The following ESYT2 variants were observed in gnomAD, a reference collection of about 807,000 sequenced individuals.
The protein encoded by ESYT2 is extended synaptotagmin-2.
ESYT2 carries 54 observed loss-of-function variants against 107.2 expected under a neutral mutation model. That is an observed-to-expected ratio of 0.50 (90% CI 0.40 to 0.63). The LOEUF (loss-of-function observed/expected upper bound fraction) is 0.63. Among genes scored for constraint, ESYT2 ranks in the 30% least tolerant of loss-of-function variants. ESYT2 has a pLI of 0.00. For missense variants in ESYT2, 1,020 were observed against 1,094.5 expected (o/e 0.93, Z 0.96); for synonymous variants, 491 against 434.1 (o/e 1.13, Z -1.63).
chr7:158,764,935 G>A (rs1024108464), intron 8 of ESYT2, 82 bp from the exon 9 acceptor site: 14 of 1,387,778 alleles, frequency 1.0e-5, no homozygotes, highest in Admixed American at 4.1e-5. Context: ...ACCTAACCCC[G>A]TCTCGAGAAT....
intron 1 of ESYT2, among the ~76,000 whole-genome samples, chr7:158,804,178 C>T (rs111759887): frequency 6.6e-5 from 3 of 45,156 alleles, no homozygotes; most frequent in African/African-American, 2.5e-4. Flanking sequence ...GTGAGGCGCG[C>T]GACAAACCCA....
chr7:158,779,676 C>CT (rs1246038085), intron 6 of ESYT2, among the ~76,000 whole-genome samples: 1 of 152,186 alleles, frequency 6.6e-6, no homozygotes, highest in Non-Finnish European at 1.5e-5. Flanking sequence ...GCTGCGGCCC[C>CT]TTCTGCTCTA....
At chr7:158,804,454 T>C (rs13242196) in intron 1 of ESYT2, among the ~76,000 whole-genome samples, 7,565 of 68,720 alleles carry the variant, frequency 0.11, 612 homozygotes, top group East Asian at 0.27. Context: ...AAAGGTGAGG[T>C]GTGTGACAAA....
At chr7:158,765,499 C>T (rs981408190) in intron 8 of ESYT2, among the ~76,000 whole-genome samples, 3 of 152,024 alleles carry the variant, frequency 2.0e-5, no homozygotes, top group African/African-American at 4.8e-5. Context: ...TTTGGAAGAC[C>T]GAGGTGGGTA....
intron 6 of ESYT2, 140 bp from the exon 7 acceptor site, chr7:158,773,536 C>A: frequency 1.4e-6 from 1 of 692,964 alleles, no homozygotes; most frequent in Non-Finnish European, 2.3e-6. Flanking sequence ...CGTAATATAC[C>A]AAGGACATTT....
At chr7:158,829,035 G>C (rs949850672) in intron 1 of ESYT2, 54 bp downstream of exon 1, 59 of 1,556,662 alleles carry the variant, frequency 3.8e-5, no homozygotes, top group Middle Eastern at 1.9e-4. Flanking sequence ...GCCTGGACGA[G>C]GGGAGATCGG....
At chr7:158,808,589 AG>A (rs1336564798) in intron 1 of ESYT2, among the ~76,000 whole-genome samples, 8 of 152,240 alleles carry the variant, frequency 5.3e-5, no homozygotes, top group Non-Finnish European at 8.8e-5. Flanking sequence ...GTGAAACTGA[AG>A]AAGGAAAATA....
chr7:158,794,142 A>G (rs533189078), intron 3 of ESYT2, among the ~76,000 whole-genome samples: 2 of 152,334 alleles, frequency 1.3e-5, no homozygotes, highest in Admixed American at 1.3e-4. Context: ...CCTTACTACC[A>G]TGTTTGAAAC....
intron 6 of ESYT2, among the ~76,000 whole-genome samples, chr7:158,774,465 GT>G (rs1838479309): frequency 1.0e-5 from 1 of 96,832 alleles, no homozygotes; most frequent in Non-Finnish European, 2.1e-5. Flanking sequence ...TAAAATAAAT[GT>G]TTTTCCCTAG....
intron 13 of ESYT2, among the ~76,000 whole-genome samples, chr7:158,756,775 G>T (rs1837770114): frequency 6.6e-6 from 1 of 152,022 alleles, no homozygotes; most frequent in African/African-American, 2.4e-5. Context: ...CAGGCGTCGT[G>T]GTGGGTGCCT....
intron 11 of ESYT2, among the ~76,000 whole-genome samples, 157 bp from the exon 12 acceptor site, chr7:158,760,304 C>G (rs530375023): frequency 1.3e-5 from 2 of 152,232 alleles, no homozygotes; most frequent in Non-Finnish European, 2.9e-5. Context: ...TCCAGCTCTA[C>G]GCTATGTGGA....
At chr7:158,781,466 T>C (rs951614564) in intron 6 of ESYT2, among the ~76,000 whole-genome samples, 1 of 148,472 alleles carries the variant, frequency 6.7e-6, no homozygotes, top group African/African-American at 2.5e-5. Context: ...GAGAACAAAG[T>C]GTGAGAGGTG....
At chr7:158,805,417 G>A (rs1839795346) in intron 1 of ESYT2, among the ~76,000 whole-genome samples, 1 of 152,232 alleles carries the variant, frequency 6.6e-6, no homozygotes. Context: ...TAAAAAGGTA[G>A]AGAGGAATCT....
chr7:158,803,761 C>CA (rs1839715738), intron 1 of ESYT2, among the ~76,000 whole-genome samples: 1 of 151,596 alleles, frequency 6.6e-6, no homozygotes, highest in African/African-American at 2.4e-5. Context: ...AGGCGCGCGA[C>CA]AAACCCAAAC....
rs770779228 is a variant in ESYT2, at chr7:158,773,319, C to T, written c.803+22G>A. Reference sequence around the variant, plus strand: ...AACACGCCCTCGAACGCTAAGCCTCCGGGACCAGACACGAGACTTACTTCA... The same window carrying T: ...AACACGCCCTCGAACGCTAAGCCTCTGGGACCAGACACGAGACTTACTTCA... On this transcript the variant is annotated intron_variant, in intron 7 of 22. Coordinates refer to ENST00000275418, the MANE Select transcript of ESYT2 (RefSeq NM_001367773.1). 2.4e-5 allele frequency: 39 copies of T among 1,613,770 alleles called. No individual in the cohort carries two copies. In the Middle Eastern group the frequency reaches 4.9e-4, roughly 20 times the overall value.
chr7:158,828,773 T>G (rs2129474561), intron 1 of ESYT2, among the ~76,000 whole-genome samples: 1 of 150,150 alleles, frequency 6.7e-6, no homozygotes. Context: ...GGCTGGGGTC[T>G]GCACTCGCCC....
At chr7:158,744,107 T>C (rs570172269) in intron 16 of ESYT2, 1 of 158,570 alleles carries the variant, frequency 6.3e-6, no homozygotes, top group East Asian at 1.9e-4. Context: ...ACAGACAATA[T>C]TAGTCTGTAA....
chr7:158,799,099 T>G, intron 1 of ESYT2, 27 bp from the exon 2 acceptor site: 2 of 1,599,982 alleles, frequency 1.3e-6, no homozygotes, highest in Non-Finnish European at 8.6e-7. Context: ...CACATATGAC[T>G]TATTAACTCC....
intron 4 of ESYT2, among the ~76,000 whole-genome samples, chr7:158,789,855 C>T (rs1024154982): frequency 1.2e-4 from 18 of 152,234 alleles, no homozygotes; most frequent in South Asian, 6.2e-4. Flanking sequence ...TGTTCAGAGA[C>T]GTAAATGTGA....
Sources: gnomAD v4.1 joint callset for allele counts (sites outside exome capture counted in the v4.1 genomes callset) on GRCh38, gnomAD v4.1.1 for gene constraint, MANE v1.5 for transcripts, NCBI Gene and HGNC (gene_info 2026-07-23, HGNC 2026-07-21) for gene names.